Variants in TULP4 observed in about 807,000 individuals in gnomAD.
TULP4 encodes TUB like protein 4.
A neutral mutation model predicts 129.0 loss-of-function variants in TULP4; 16 were observed. That is an observed-to-expected ratio of 0.12 (90% CI 0.08 to 0.19). The LOEUF (loss-of-function observed/expected upper bound fraction) is 0.19, where lower values mean the gene tolerates loss of function less well. TULP4 is among the 10% of genes least tolerant of loss of function. The pLI, the probability that TULP4 is intolerant of heterozygous loss-of-function variation, is 1.00. For synonymous variants in TULP4, 998 were observed against 854.0 expected, an observed-to-expected ratio of 1.17 and a Z score of -2.94; for missense variants, 1,842 against 2,059.1, an observed-to-expected ratio of 0.89 and a Z score of 2.04.
At chr6:158,465,377 T>C (rs1368370095) in intron 6 of TULP4, among the ~76,000 whole-genome samples, 1 of 152,276 alleles carries the variant, frequency 6.6e-6, no homozygotes, top group African/African-American at 2.4e-5. Flanking sequence ...TGTATGGATA[T>C]ACCACATTTT....
intron 1 of TULP4, among the ~76,000 whole-genome samples, chr6:158,392,790 A>ATTT (rs1554286987): frequency 2.6e-5 from 1 of 38,630 alleles, no homozygotes. Flanking sequence ...TTAAATTTGT[A>ATTT]TTTCTTTTTT....
chr6:158,494,698 T>C (rs971242716), intron 10 of TULP4, 55 bp from the exon 11 acceptor site: 1 of 1,524,206 alleles, frequency 6.6e-7, no homozygotes, highest in Non-Finnish European at 9.1e-7. Flanking sequence ...GAGTGACCAG[T>C]TGAAAATACG....
At chr6:158,354,478 TG>T (rs1780597428) in intron 1 of TULP4, among the ~76,000 whole-genome samples, 1 of 152,240 alleles carries the variant, frequency 6.6e-6, no homozygotes, top group African/African-American at 2.4e-5. Flanking sequence ...TCTGTCTTCT[TG>T]TAGATGTGGA....
chr6:158,475,174 G>T lies in TULP4; in HGVS notation c.1027-4577G>T, dbSNP rs542204666. On this transcript the variant is annotated intron_variant, in intron 6 of 13. Coordinates refer to ENST00000367097, the MANE Select transcript of TULP4 (RefSeq NM_020245.5). ...CACTCCCTGGTGGGAGGTGAGGCAG[G>T]GCTGGCCCGCATCTTTTCCTTTCCG... Among the ~76,000 whole-genome samples the T allele has an allele frequency of 1.5e-3, 228 of 152,362 alleles. 1 individual carries two copies. The highest frequency in any genetic ancestry group is 5.3e-3 in the African/African-American group (221 of 41,582).
chr6:158,420,352 C>G (rs535587753), intron 2 of TULP4, among the ~76,000 whole-genome samples: 10 of 152,268 alleles, frequency 6.6e-5, no homozygotes, highest in Admixed American at 3.9e-4. Flanking sequence ...CTTGCCAATC[C>G]CTGTTCTACG....
Position 158,429,889 on chromosome 6 carries a change from G to A in TULP4, c.535G>A (p.Asp179Asn), listed in dbSNP as rs779135997. 1.9e-6 allele frequency: 3 copies of A among 1,613,764 alleles called. No individual in the cohort carries two copies. Among genetic ancestry groups the A allele is most frequent in the East Asian group, 2.2e-5 (1 of 44,856 alleles). Reference protein sequence around the residue: ...QITCGIWTPDDQQVLFGTADG... With the variant: ...QITCGIWTPDNQQVLFGTADG... ...TACGTGTGGCATATGGACTCCTGAC[G>A]ACCAACAGGTAACACTTCTGAAATG... is the stretch of plus-strand genomic sequence containing the variant. Residue 179 changes from aspartate (D) to asparagine (N), a missense_variant, in exon 3 of 14, where the codon GAC becomes AAC. This residue lies in a region of TULP4 where 151 missense variants were observed against 268.7 expected (regional missense o/e 0.56). Coordinates refer to ENST00000367097, the MANE Select transcript of TULP4 (RefSeq NM_020245.5).
intron 1 of TULP4, among the ~76,000 whole-genome samples, chr6:158,347,054 A>G (rs1017973887): frequency 1.3e-5 from 2 of 152,214 alleles, no homozygotes; most frequent in African/African-American, 4.8e-5. Flanking sequence ...AGCCATTGCA[A>G]TATTTCTTAT....
At chr6:158,251,090 A>G (rs1271921729) in intron 1 of TULP4, among the ~76,000 whole-genome samples, 1 of 152,198 alleles carries the variant, frequency 6.6e-6, no homozygotes, top group Non-Finnish European at 1.5e-5. Flanking sequence ...CACAAATTAG[A>G]TCACAAAAGA....
intron 1 of TULP4, among the ~76,000 whole-genome samples, chr6:158,376,409 A>G (rs1270823972): frequency 6.6e-6 from 1 of 152,118 alleles, no homozygotes; most frequent in Admixed American, 6.6e-5. Flanking sequence ...TGGCCGATCC[A>G]CGTGGCCTCT....
intron 9 of TULP4, among the ~76,000 whole-genome samples, chr6:158,490,328 G>A (rs553285029): frequency 2.6e-5 from 4 of 152,326 alleles, no homozygotes; most frequent in South Asian, 2.1e-4. Context: ...TCCGGGAAGT[G>A]GAGGTTGCAG....
intron 7 of TULP4, among the ~76,000 whole-genome samples, chr6:158,480,589 C>G (rs1415680230): frequency 6.6e-6 from 1 of 152,198 alleles, no homozygotes; most frequent in Non-Finnish European, 1.5e-5. Context: ...TTGGGTTTTC[C>G]CAAGTGGTTC....
At chr6:158,465,615 A>G (rs943760319) in intron 6 of TULP4, among the ~76,000 whole-genome samples, 5 of 151,746 alleles carry the variant, frequency 3.3e-5, no homozygotes, top group Non-Finnish European at 5.9e-5. Flanking sequence ...ACTAAACTGT[A>G]AAATATTTTA....
At chr6:158,504,490 G>A (rs897657983) in intron 13 of TULP4, among the ~76,000 whole-genome samples, 8 of 151,170 alleles carry the variant, frequency 5.3e-5, no homozygotes, top group East Asian at 1.9e-4. Context: ...GGGACTACAC[G>A]TGCCCGCCAC....
intron 1 of TULP4, chr6:158,238,201 G>A (rs1425622822): frequency 1.2e-5 from 10 of 814,458 alleles, no homozygotes; most frequent in Non-Finnish European, 2.2e-6. Flanking sequence ...ACTGTGCCAT[G>A]GTCAGCTTAA....
intron 1 of TULP4, among the ~76,000 whole-genome samples, chr6:158,410,518 G>A (rs565390011): frequency 4.6e-5 from 7 of 152,208 alleles, no homozygotes; most frequent in Non-Finnish European, 7.4e-5. Context: ...CATGAACATC[G>A]TGTTCTTAAT....
intron 1 of TULP4, among the ~76,000 whole-genome samples, chr6:158,383,157 A>G (rs1383224293): frequency 6.6e-6 from 1 of 152,168 alleles, no homozygotes; most frequent in Admixed American, 6.5e-5. Flanking sequence ...TCCCATGGCC[A>G]TTAAGATGCG....
chr6:158,429,921 G>T, intron 3 of TULP4, 24 bp downstream of exon 3: 2 of 1,608,540 alleles, frequency 1.2e-6, no homozygotes, highest in Non-Finnish European at 1.7e-6. Flanking sequence ...AATGTGGTGG[G>T]TGTGTGACGT....
intron 1 of TULP4, among the ~76,000 whole-genome samples, chr6:158,358,111 A>G (rs1433044453): frequency 6.6e-6 from 1 of 152,210 alleles, no homozygotes; most frequent in East Asian, 1.9e-4. Flanking sequence ...TAATCCAGAG[A>G]AGACCTTTCA....
intron 1 of TULP4, among the ~76,000 whole-genome samples, chr6:158,350,287 C>T (rs1200736927): frequency 3.2e-3 from 27 of 8,464 alleles, no homozygotes; most frequent in African/African-American, 6.3e-3. Context: ...AGACGATGGG[C>T]GGCCAGGCAG....
Sources: gnomAD v4.1 joint callset for allele counts (sites outside exome capture counted in the v4.1 genomes callset) on GRCh38, gnomAD v4.1.1 for gene constraint, gnomAD v4.1.1 regional missense constraint, MANE v1.5 for transcripts, NCBI Gene and HGNC (gene_info 2026-07-23, HGNC 2026-07-21) for gene names.